WDR70: variants seen among roughly 807,000 people sequenced by gnomAD.
WDR70 encodes WD repeat-containing protein 70.
In WDR70, 53 loss-of-function variants were observed where a neutral mutation model predicts 88.6. The ratio of observed to expected loss-of-function variants is 0.60; its 90% CI spans 0.48 to 0.75. WDR70 has a LOEUF of 0.75. Among genes scored for constraint, WDR70 ranks in the 30% least tolerant of loss-of-function variants. The probability of loss-of-function intolerance (pLI) is 0.00; values close to 1 mark genes in which losing one functional copy is unlikely to be tolerated. For missense variants in WDR70, 610 were observed against 823.2 expected (o/e 0.74, Z 3.17); for synonymous variants, 280 against 270.0 (o/e 1.04, Z -0.36).
intron 7 of WDR70, among the ~76,000 whole-genome samples, chr5:37,461,119 A>AT (rs70978820): frequency 0.61 from 89,085 of 146,316 alleles, 31,355 homozygotes; most frequent in East Asian, 0.85. Context: ...AAAAAAAAAA[A>AT]AAAAAATAAA....
intron 7 of WDR70, among the ~76,000 whole-genome samples, chr5:37,453,839 T>C (rs932659938): frequency 6.6e-6 from 1 of 152,212 alleles, no homozygotes; most frequent in Non-Finnish European, 1.5e-5. Flanking sequence ...ATGTTTCAGC[T>C]CAAATGTCAG....
intron 8 of WDR70, among the ~76,000 whole-genome samples, chr5:37,514,844 C>T (rs967309807): frequency 6.6e-6 from 1 of 151,304 alleles, no homozygotes; most frequent in Non-Finnish European, 1.5e-5. Context: ...GGTGAGACCC[C>T]GTCTCTACGA....
rs961280424 is a variant in WDR70 at position 37,538,490 on chromosome 5, T to C, written c.917+21900T>C. 7.9e-5 allele frequency among the ~76,000 whole-genome samples: 12 copies of C among 152,128 alleles called. No homozygotes were observed. The East Asian group carries it at 1.3e-3, about 17-fold the overall frequency. On this transcript the variant is annotated intron_variant, in intron 9 of 17. Coordinates refer to ENST00000265107, the MANE Select transcript of WDR70 (RefSeq NM_018034.4). Reference sequence around the variant, plus strand: ...CACATAAGAATTGGTTTAGATGCAGTTGGGGGGAGGATTCAGATGGCAATT... The same window carrying C: ...CACATAAGAATTGGTTTAGATGCAGCTGGGGGGAGGATTCAGATGGCAATT...
rs553766042 is a variant in WDR70, at chr5:37,546,092, T to G, written c.917+29502T>G. 8.5e-5 allele frequency among the ~76,000 whole-genome samples: 13 copies of G among 152,120 alleles called. No homozygotes were observed. The East Asian group carries it at 2.3e-3, about 27-fold the overall frequency. On this transcript the variant is annotated intron_variant, in intron 9 of 17. Coordinates refer to ENST00000265107, the MANE Select transcript of WDR70 (RefSeq NM_018034.4). ...GTTAAATGTATTGATCAGGGAAGAG[T>G]TATTTATAATTAAGCCTTTAAATTT...
chr5:37,529,546 A>T (rs1176764019), intron 9 of WDR70, among the ~76,000 whole-genome samples: 1 of 152,070 alleles, frequency 6.6e-6, no homozygotes, highest in Non-Finnish European at 1.5e-5. Context: ...GTCCTTGGTT[A>T]GGTAAATTCC....
At chr5:37,752,177 G>A (rs547989598) in intron 17 of WDR70, among the ~76,000 whole-genome samples, 32 of 152,268 alleles carry the variant, frequency 2.1e-4, no homozygotes, top group African/African-American at 7.7e-4. Flanking sequence ...AGAGTTTCAG[G>A]TGGAGGGTGG....
chr5:37,650,395 C>T (rs1000718408), intron 10 of WDR70, among the ~76,000 whole-genome samples: 1 of 150,100 alleles, frequency 6.7e-6, no homozygotes, highest in Non-Finnish European at 1.5e-5. Flanking sequence ...AGTGAGAGTC[C>T]GTCAAAAAAA....
intron 10 of WDR70, among the ~76,000 whole-genome samples, chr5:37,641,803 C>T (rs1271518846): frequency 6.6e-6 from 1 of 152,162 alleles, no homozygotes; most frequent in African/African-American, 2.4e-5. Context: ...ACATTAGGCT[C>T]ATTTCTCTGC....
chr5:37,727,037 A>G lies in WDR70; in HGVS notation c.1869A>G (p.Ala623=), dbSNP rs1747991910. ...AEDSPYWVSP[A]YSKTQPKTMF... is the part of the protein sequence containing the mutation. ...ACAGCCCATATTGGGTTTCTCCAGC[A>G]TATTCCAAGTGAGAATATAGCTTTT... The change falls in exon 17 of 18, where the codon GCA becomes GCG. Residue 623 remains alanine (A), a synonymous_variant. Coordinates refer to ENST00000265107, the MANE Select transcript of WDR70 (RefSeq NM_018034.4). 2.5e-6 allele frequency: 4 copies of G among 1,607,692 alleles called. No homozygotes were observed. Among genetic ancestry groups the G allele is most frequent in the African/African-American group, 2.7e-5 (2 of 74,624 alleles).
chr5:37,673,584 C>CCT lies in WDR70; in HGVS notation c.1093-24070_1093-24069insTC, dbSNP rs59675483. Among the ~76,000 whole-genome samples the CCT allele has an allele frequency of 2.9e-4, 3 of 10,370 alleles. No individual in the cohort carries two copies. The East Asian group carries it at 6.4e-3, about 22-fold the overall frequency. The allele number at this position is 10,370 out of a possible 152,430, so 6.8% of individuals were successfully genotyped here. A position where few individuals can be genotyped will look rare whatever the true frequency, so the allele number is the denominator to read the frequency against. ...GCCTGCTATTTTTTGACTTTTCTTA[C>CCT]CCCCCCCCCACCCTTTTTTTTTCTT... On this transcript the variant is annotated intron_variant, in intron 10 of 17. Transcript: ENST00000265107.
intron 7 of WDR70, among the ~76,000 whole-genome samples, chr5:37,460,628 C>T (rs1301426139): frequency 1.3e-5 from 1 of 74,810 alleles, no homozygotes; most frequent in African/African-American, 3.6e-5. Flanking sequence ...CAGCATGGCA[C>T]ATGTATACAT....
intron 10 of WDR70, among the ~76,000 whole-genome samples, chr5:37,629,629 T>C (rs917792136): frequency 6.6e-5 from 10 of 152,160 alleles, no homozygotes; most frequent in African/African-American, 2.4e-4. Flanking sequence ...TTTGGTTCTT[T>C]TTTATGATAA....
intron 9 of WDR70, among the ~76,000 whole-genome samples, chr5:37,527,158 A>G (rs531009484): frequency 5.3e-5 from 8 of 152,340 alleles, no homozygotes; most frequent in Admixed American, 3.3e-4. Flanking sequence ...GAACCAAAAA[A>G]GAGCCCACAT....
intron 8 of WDR70, among the ~76,000 whole-genome samples, chr5:37,491,743 T>G (rs922419154): frequency 1.3e-5 from 2 of 152,176 alleles, no homozygotes; most frequent in Non-Finnish European, 2.9e-5. Flanking sequence ...CTTAAGAACT[T>G]AAAATATTTA....
At chr5:37,434,173 A>G (rs1282176757) in intron 5 of WDR70, among the ~76,000 whole-genome samples, 1 of 152,196 alleles carries the variant, frequency 6.6e-6, no homozygotes, top group Non-Finnish European at 1.5e-5. Context: ...ACATGCAAGC[A>G]GGGGAAATGT....
At chr5:37,651,437 G>A (rs1198187037) in intron 10 of WDR70, among the ~76,000 whole-genome samples, 1 of 152,152 alleles carries the variant, frequency 6.6e-6, no homozygotes, top group African/African-American at 2.4e-5. Context: ...ATGTGCATGT[G>A]TCTTTATAGT....
intron 9 of WDR70, among the ~76,000 whole-genome samples, chr5:37,573,236 T>A (rs1228627373): frequency 1.3e-5 from 2 of 152,220 alleles, no homozygotes; most frequent in Non-Finnish European, 2.9e-5. Context: ...GCTTTACTCC[T>A]ACAGTTCTCC....
At chr5:37,421,722 A>C (rs1749952034) in intron 5 of WDR70, among the ~76,000 whole-genome samples, 1 of 152,108 alleles carries the variant, frequency 6.6e-6, no homozygotes, top group African/African-American at 2.4e-5. Context: ...TTCTTTGTAG[A>C]GAGAAGGCTA....
chr5:37,638,757 C>G (rs1387424180), intron 10 of WDR70, among the ~76,000 whole-genome samples: 1 of 152,216 alleles, frequency 6.6e-6, no homozygotes, highest in Non-Finnish European at 1.5e-5. Flanking sequence ...TGAATTAACT[C>G]TGTTATTGAC....
Sources: gnomAD v4.1 joint callset for allele counts (sites outside exome capture counted in the v4.1 genomes callset) on GRCh38, gnomAD v4.1.1 for gene constraint, MANE v1.5 for transcripts, NCBI Gene and HGNC (gene_info 2026-07-23, HGNC 2026-07-21) for gene names.